The following TRPC5 variants were observed in gnomAD, a reference collection of about 807,000 sequenced individuals.
The protein encoded by TRPC5 is transient receptor potential cation channel subfamily C member 5.
A neutral mutation model predicts 56.5 loss-of-function variants in TRPC5; 9 were observed. That is an observed-to-expected ratio of 0.16 (90% CI 0.10 to 0.28). TRPC5 has a LOEUF of 0.28. TRPC5 is among the 10% of genes least tolerant of loss of function. The pLI, the probability that TRPC5 is intolerant of heterozygous loss-of-function variation, is 1.00. For synonymous variants in TRPC5, 282 were observed against 278.5 expected (o/e 1.01, Z -0.13); for missense variants, 469 against 748.9 (o/e 0.63, Z 4.36).
intron 1 of TRPC5, among the ~76,000 whole-genome samples, chrX:111,959,238 G>A (rs7884459): frequency 0.073 from 8,093 of 111,571 alleles, 463 homozygotes; most frequent in African/African-American, 0.19. Flanking sequence ...CTATGTTAGT[G>A]GACACATATG....
chrX:112,032,221 C>G (rs1929605263), intron 1 of TRPC5, among the ~76,000 whole-genome samples: 1 of 110,291 alleles, frequency 9.1e-6, no homozygotes, highest in Non-Finnish European at 1.9e-5. Flanking sequence ...GTCAGAATGG[C>G]TACTATCAAA....
chrX:111,793,183 A>G (rs1374918045), intron 7 of TRPC5, among the ~76,000 whole-genome samples: 1 of 111,078 alleles, frequency 9.0e-6, no homozygotes, highest in Non-Finnish European at 1.9e-5. Context: ...CCCTCCTTTT[A>G]CAAGTCATCC....
At chrX:111,826,605 A>T (rs932099978) in intron 7 of TRPC5, among the ~76,000 whole-genome samples, 1 of 112,780 alleles carries the variant, frequency 8.9e-6, no homozygotes, top group Non-Finnish European at 1.9e-5. Flanking sequence ...CTCCAATGTC[A>T]TGATATGCCT....
At chrX:111,782,838 C>CACACAT (rs1300584306) in intron 7 of TRPC5, among the ~76,000 whole-genome samples, 1 of 110,084 alleles carries the variant, frequency 9.1e-6, no homozygotes, top group African/African-American at 3.3e-5. Context: ...CACACACACA[C>CACACAT]ACATCAGTGT....
chrX:111,944,304 G>GTGTGAT (rs1556592186), intron 2 of TRPC5, among the ~76,000 whole-genome samples: 1 of 70,238 alleles, frequency 1.4e-5, no homozygotes. Context: ...GTGTGTGTGT[G>GTGTGAT]AGAGAGAGAG....
chrX:111,947,049 G>A (rs981851229), intron 2 of TRPC5, among the ~76,000 whole-genome samples: 3 of 111,728 alleles, frequency 2.7e-5, no homozygotes, highest in Non-Finnish European at 5.6e-5. Flanking sequence ...GAGGTGGACC[G>A]AGTCAGGTCA....
At chrX:111,916,936 T>C (rs1925994502) in intron 2 of TRPC5, among the ~76,000 whole-genome samples, 1 of 112,943 alleles carries the variant, frequency 8.9e-6, no homozygotes. Flanking sequence ...AAATTGGATA[T>C]TTAGGCAAGG....
At chrX:111,838,722 A>G (rs1486077448) in intron 6 of TRPC5, among the ~76,000 whole-genome samples, 1 of 111,847 alleles carries the variant, frequency 8.9e-6, no homozygotes, top group African/African-American at 3.3e-5. Context: ...ACAAATCCAT[A>G]ACAGGTGGTT....
intron 1 of TRPC5, among the ~76,000 whole-genome samples, chrX:111,968,449 A>G (rs1927671471): frequency 9.0e-6 from 1 of 111,521 alleles, no homozygotes; most frequent in African/African-American, 3.3e-5. Context: ...TAGAAATACC[A>G]TTTGACCCAG....
chrX:111,973,171 CT>C (rs1318462689), intron 1 of TRPC5, among the ~76,000 whole-genome samples: 1 of 111,667 alleles, frequency 9.0e-6, no homozygotes, highest in Non-Finnish European at 1.9e-5. Flanking sequence ...TAAAAAGACA[CT>C]TTTAAATTGG....
chrX:112,018,660 A>T (rs1463068474), intron 1 of TRPC5, among the ~76,000 whole-genome samples: 3 of 112,449 alleles, frequency 2.7e-5, no homozygotes, highest in Non-Finnish European at 3.7e-5. Flanking sequence ...TGCGGCATAA[A>T]AATTAGTAAA....
intron 1 of TRPC5, among the ~76,000 whole-genome samples, chrX:112,008,931 G>C (rs943921730): frequency 4.5e-5 from 5 of 111,840 alleles, no homozygotes; most frequent in African/African-American, 1.6e-4. Flanking sequence ...AACCGTCTGA[G>C]AGGATCTGCC....
At chrX:111,802,675 A>C (rs1921353016) in intron 7 of TRPC5, among the ~76,000 whole-genome samples, 1 of 110,974 alleles carries the variant, frequency 9.0e-6, no homozygotes, top group Admixed American at 9.7e-5. Flanking sequence ...ATCTTCTTTT[A>C]ACGACCTCCT....
chrX:111,968,044 G>A (rs1927654961), intron 1 of TRPC5, among the ~76,000 whole-genome samples: 2 of 111,039 alleles, frequency 1.8e-5, no homozygotes, highest in African/African-American at 3.3e-5. Context: ...GCAACCTACA[G>A]AATGGGAGAA....
intron 4 of TRPC5, among the ~76,000 whole-genome samples, chrX:111,853,036 G>C (rs770629311): frequency 8.9e-6 from 1 of 111,875 alleles, no homozygotes; most frequent in Admixed American, 9.5e-5. Context: ...AGTAAAAGCT[G>C]TGGCTGTGGT....
chrX:111,964,518 A>G (rs762271157), intron 1 of TRPC5, among the ~76,000 whole-genome samples: 1 of 111,951 alleles, frequency 8.9e-6, no homozygotes, highest in East Asian at 2.8e-4. Context: ...AAGGCACATA[A>G]TTGTCAGATT....
chrX:111,807,956 CTGTGTGTGTGTGTGTG>C (rs60688414), intron 7 of TRPC5, among the ~76,000 whole-genome samples: 6 of 91,925 alleles, frequency 6.5e-5, no homozygotes, highest in East Asian at 3.2e-4. Context: ...CTCTCTCTCT[CTGTGTGTGTGTGTGTG>C]TGTGTGTGTG....
At position 111,859,633 on chromosome X, in the gene TRPC5, C is replaced by T. The variant is rs551647779; in HGVS notation, c.901-5527G>A. Among the ~76,000 whole-genome samples, 185 of 112,081 alleles carry T rather than the reference C, an allele frequency of 1.7e-3. 1 individual carries two copies. Among genetic ancestry groups the T allele is most frequent in the South Asian group, 0.011 (29 of 2,670 alleles). ...TTTAAGATAACTTGGGGTTCCTGGC[C>T]TGTCAGAAAGTGACATTCTTTACTT... On this transcript the variant is annotated intron_variant, in intron 3 of 10. Coordinates refer to ENST00000262839, the MANE Select transcript of TRPC5 (RefSeq NM_012471.3).
intron 1 of TRPC5, among the ~76,000 whole-genome samples, chrX:111,992,553 T>A (rs1928383673): frequency 9.1e-6 from 1 of 109,754 alleles, no homozygotes; most frequent in African/African-American, 3.3e-5. Context: ...TAAATCTTAT[T>A]CTCCCATCTG....
Sources: allele counts gnomAD v4.1 joint callset (sites outside exome capture counted in the v4.1 genomes callset), GRCh38; gene constraint gnomAD v4.1.1; transcripts MANE v1.5; gene names NCBI Gene and HGNC (gene_info 2026-07-23, HGNC 2026-07-21).